Variants in PDZRN4 observed in about 807,000 individuals in gnomAD.
PDZRN4 encodes PDZ domain containing ring finger 4.
PDZRN4 carries 70 observed loss-of-function variants against 99.0 expected under a neutral mutation model. The observed-to-expected ratio is 0.71, with a 90% CI of 0.58 to 0.86. PDZRN4 has a LOEUF of 0.86. PDZRN4 is among the 40% of genes least tolerant of loss of function. The pLI is 0.00. For synonymous variants in PDZRN4, 551 were observed against 501.6 expected (o/e 1.10, Z -1.32); for missense variants, 1,474 against 1,331.2 (o/e 1.11, Z -1.67).
intron 5 of PDZRN4, among the ~76,000 whole-genome samples, chr12:41,523,259 A>G (rs1938522396): frequency 6.6e-6 from 1 of 152,096 alleles, no homozygotes; most frequent in South Asian, 2.1e-4. Flanking sequence ...GCCCTGAGAG[A>G]AAAATGGCTG....
At chr12:41,442,888 C>T (rs1952692116) in intron 3 of PDZRN4, among the ~76,000 whole-genome samples, 1 of 152,028 alleles carries the variant, frequency 6.6e-6, no homozygotes, top group Admixed American at 6.6e-5. Flanking sequence ...AATAGCAAGT[C>T]CTCAGAATGG....
intron 3 of PDZRN4, among the ~76,000 whole-genome samples, chr12:41,448,271 G>A (rs1358278906): frequency 6.6e-6 from 1 of 152,130 alleles, no homozygotes; most frequent in Non-Finnish European, 1.5e-5. Context: ...TTAAGACAAT[G>A]TGATTTTTCC....
chr12:41,260,631 A>T (rs10506184), intron 3 of PDZRN4, among the ~76,000 whole-genome samples: 15,315 of 152,162 alleles, frequency 0.1, 883 homozygotes, highest in East Asian at 0.18. Flanking sequence ...TCAGCAAATA[A>T]GAAAGAAAAG....
intron 3 of PDZRN4, among the ~76,000 whole-genome samples, chr12:41,413,850 C>T (rs1418720661): frequency 2.0e-5 from 3 of 151,852 alleles, no homozygotes; most frequent in Non-Finnish European, 2.9e-5. Flanking sequence ...TTTGATCCTA[C>T]CATGAAGTTG....
chr12:41,521,293 GCT>G (rs1289538190), intron 5 of PDZRN4, among the ~76,000 whole-genome samples: 1 of 151,822 alleles, frequency 6.6e-6, no homozygotes, highest in African/African-American at 2.4e-5. Flanking sequence ...TGCTCTTTTT[GCT>G]CTCTTGAGCA....
At chr12:41,306,278 A>G (rs1040422783) in intron 3 of PDZRN4, among the ~76,000 whole-genome samples, 1 of 152,230 alleles carries the variant, frequency 6.6e-6, no homozygotes, top group Non-Finnish European at 1.5e-5. Flanking sequence ...GGCTCCAGGC[A>G]GCCCTGCCCC....
At chr12:41,270,889 T>C (rs1187102987) in intron 3 of PDZRN4, among the ~76,000 whole-genome samples, 1 of 152,116 alleles carries the variant, frequency 6.6e-6, no homozygotes, top group Non-Finnish European at 1.5e-5. Flanking sequence ...AAGTGCTCTT[T>C]CCTAAACTGA....
chr12:41,550,570 C>G (rs1939035402), intron 5 of PDZRN4, among the ~76,000 whole-genome samples: 1 of 152,058 alleles, frequency 6.6e-6, no homozygotes, highest in East Asian at 1.9e-4. Flanking sequence ...TCACTGTTTC[C>G]TAGTCTACGT....
intron 3 of PDZRN4, among the ~76,000 whole-genome samples, chr12:41,454,531 G>GA (rs1476252805): frequency 2.0e-5 from 3 of 152,350 alleles, no homozygotes; most frequent in Non-Finnish European, 4.4e-5. Flanking sequence ...GCGGGAGATT[G>GA]AATACCCAGG....
At chr12:41,441,241 A>G (rs890195231) in intron 3 of PDZRN4, among the ~76,000 whole-genome samples, 1 of 152,168 alleles carries the variant, frequency 6.6e-6, no homozygotes, top group Admixed American at 6.6e-5. Flanking sequence ...CACTTCCCAC[A>G]TCAGGGTAAA....
intron 3 of PDZRN4, among the ~76,000 whole-genome samples, chr12:41,327,987 A>G (rs1951720906): frequency 6.6e-6 from 1 of 152,126 alleles, no homozygotes; most frequent in African/African-American, 2.4e-5. Flanking sequence ...CATGGCTGAT[A>G]TTAGCAAAAC....
At chr12:41,343,915 A>G (rs895094491) in intron 3 of PDZRN4, among the ~76,000 whole-genome samples, 1 of 152,102 alleles carries the variant, frequency 6.6e-6, no homozygotes, top group African/African-American at 2.4e-5. Flanking sequence ...CAATTTATGT[A>G]AAGATATCAA....
intron 5 of PDZRN4, among the ~76,000 whole-genome samples, chr12:41,532,544 C>G (rs1373130321): frequency 6.6e-6 from 1 of 152,162 alleles, no homozygotes; most frequent in East Asian, 1.9e-4. Flanking sequence ...CTTCTTTTCT[C>G]TAGGTCCTCT....
At chr12:41,531,905 A>G (rs891766189) in intron 5 of PDZRN4, among the ~76,000 whole-genome samples, 2 of 152,168 alleles carry the variant, frequency 1.3e-5, no homozygotes, top group Non-Finnish European at 2.9e-5. Context: ...AGTATTTGCC[A>G]TAGTATTTAT....
At chr12:41,255,008 A>C (rs1951194449) in intron 3 of PDZRN4, among the ~76,000 whole-genome samples, 1 of 152,210 alleles carries the variant, frequency 6.6e-6, no homozygotes, top group Admixed American at 6.6e-5. Context: ...TGAGCCAAGG[A>C]CATTGAGGCT....
At chr12:41,429,747 T>C (rs530170354) in intron 3 of PDZRN4, among the ~76,000 whole-genome samples, 2 of 143,552 alleles carry the variant, frequency 1.4e-5, no homozygotes, top group South Asian at 4.2e-4. Flanking sequence ...GAATACCATA[T>C]AGTGCTGGAA....
intron 3 of PDZRN4, among the ~76,000 whole-genome samples, chr12:41,287,956 T>A (rs1449843086): frequency 1.3e-5 from 2 of 152,334 alleles, no homozygotes; most frequent in East Asian, 3.9e-4. Flanking sequence ...TAGTTGTGAC[T>A]TAGGATTATC....
intron 3 of PDZRN4, among the ~76,000 whole-genome samples, chr12:41,370,456 A>G (rs753597274): frequency 8.6e-5 from 13 of 151,970 alleles, no homozygotes; most frequent in Non-Finnish European, 1.8e-4. Flanking sequence ...TTATCAGTCA[A>G]ATAACTAATT....
intron 3 of PDZRN4, among the ~76,000 whole-genome samples, chr12:41,490,389 C>T (rs934582753): frequency 1.3e-5 from 2 of 152,072 alleles, no homozygotes; most frequent in African/African-American, 2.4e-5. Flanking sequence ...ATCTATACCA[C>T]CCAAAAATTT....
Sources: allele counts gnomAD v4.1 joint callset (sites outside exome capture counted in the v4.1 genomes callset), GRCh38; gene constraint gnomAD v4.1.1; transcripts MANE v1.5; gene names NCBI Gene and HGNC (gene_info 2026-07-23, HGNC 2026-07-21).